Variants in PM20D2 observed in about 807,000 individuals in gnomAD.
PM20D2 encodes peptidase M20 domain containing 2.
A neutral mutation model predicts 42.9 loss-of-function variants in PM20D2; 33 were observed. That is an observed-to-expected ratio of 0.77 (90% CI 0.58 to 1.03). PM20D2 has a LOEUF of 1.03. PM20D2 is among the 50% of genes least tolerant of loss of function. PM20D2 has a pLI of 0.00. For missense variants in PM20D2, 548 were observed against 557.0 expected, an observed-to-expected ratio of 0.98 and a Z score of 0.16; for synonymous variants, 250 against 228.2, an observed-to-expected ratio of 1.10 and a Z score of -0.86.
the PM20D2 span, among the ~76,000 whole-genome samples, chr6:89,110,631 G>C: frequency 6.6e-6 from 1 of 152,146 alleles, no homozygotes; most frequent in African/African-American, 2.4e-5. Context: ...GAGAGGTGGA[G>C]TTCTCCTTTT....
At chr6:89,132,904 T>A in the PM20D2 span, among the ~76,000 whole-genome samples, 795 of 150,738 alleles carry the variant, frequency 5.3e-3, 55 homozygotes, top group African/African-American at 0.016. Flanking sequence ...TCTTTTTTTT[T>A]AATTATTTTT....
chr6:89,129,588 A>ATTT, the PM20D2 span, among the ~76,000 whole-genome samples: 1,900 of 106,612 alleles, frequency 0.018, 77 homozygotes, highest in African/African-American at 0.061. Context: ...TCTGTTTCTA[A>ATTT]TTTTTTTTTT....
At chr6:89,122,376 C>G in the PM20D2 span, among the ~76,000 whole-genome samples, 1 of 152,116 alleles carries the variant, frequency 6.6e-6, no homozygotes, top group African/African-American at 2.4e-5. Flanking sequence ...TCCTAATTAC[C>G]ATGGATAATC....
chr6:89,120,661 C>T, the PM20D2 span, among the ~76,000 whole-genome samples: 3 of 151,664 alleles, frequency 2.0e-5, no homozygotes, highest in Non-Finnish European at 2.9e-5. Flanking sequence ...GCTAGAAGTT[C>T]GTGACCAGCT....
At chr6:89,135,328 T>C in the PM20D2 span, among the ~76,000 whole-genome samples, 2 of 151,286 alleles carry the variant, frequency 1.3e-5, no homozygotes, top group Non-Finnish European at 2.9e-5. Context: ...TAGAAAAGTT[T>C]CTTTTAGCTT....
the PM20D2 span, among the ~76,000 whole-genome samples, chr6:89,138,636 G>A: frequency 2.0e-5 from 3 of 152,124 alleles, no homozygotes; most frequent in Non-Finnish European, 4.4e-5. Flanking sequence ...TCACAAAGGC[G>A]GGCAGATCAC....
chr6:89,118,968 C>G, the PM20D2 span, among the ~76,000 whole-genome samples: 2 of 152,248 alleles, frequency 1.3e-5, no homozygotes, highest in Non-Finnish European at 2.9e-5. Flanking sequence ...CAGGCACAGC[C>G]TGTTATTCAG....
the PM20D2 span, among the ~76,000 whole-genome samples, chr6:89,095,061 C>CT: frequency 6.6e-6 from 1 of 152,114 alleles, no homozygotes; most frequent in Non-Finnish European, 1.5e-5. Context: ...TGGCATTTCG[C>CT]TTTACAGAGC....
intron 4 of PM20D2, among the ~76,000 whole-genome samples, chr6:89,156,868 C>G (rs1336062980): frequency 1.3e-5 from 2 of 152,096 alleles, no homozygotes; most frequent in African/African-American, 4.8e-5. Flanking sequence ...TCTCATATGC[C>G]ACTAGAGAAG....
chr6:89,107,042 T>G, the PM20D2 span: 1 of 1,101,362 alleles, frequency 9.1e-7, no homozygotes, highest in Non-Finnish European at 1.4e-6. Context: ...GATAAAGAAA[T>G]AAACACATTT....
At chr6:89,156,900 T>C (rs1771067724) in intron 4 of PM20D2, among the ~76,000 whole-genome samples, 1 of 152,292 alleles carries the variant, frequency 6.6e-6, no homozygotes, top group East Asian at 1.9e-4. Context: ...GAATGAAAAC[T>C]GTGAAATGTC....
Position 89,162,182 on chromosome 6 carries a change from T to C in PM20D2, c.1230T>C (p.Phe410=). 6.2e-7 allele frequency: 1 copy of C among 1,614,114 alleles called. No homozygotes were observed. The highest frequency in any genetic ancestry group is 8.5e-7 in the Non-Finnish European group (1 of 1,179,926). ...CAATGACGGCACTGGATGTTATTTT[T>C]AAACCAGAGTTACTGGAAGGAATCA... is the stretch of plus-strand genomic sequence containing the variant. ...ALAMTALDVI[F]KPELLEGIRE... The change falls in exon 7 of 7, where the codon TTT becomes TTC. Residue 410 remains phenylalanine (F), a synonymous_variant. Coordinates refer to ENST00000275072, the MANE Select transcript of PM20D2 (RefSeq NM_001010853.3).
Position 89,146,455 on chromosome 6 carries a change from G to A in PM20D2, c.311G>A (p.Arg104His), listed in dbSNP as rs1485660858. 2.2e-5 allele frequency: 34 copies of A among 1,522,874 alleles called. No homozygotes were observed. The highest frequency in any genetic ancestry group is 3.0e-5 in the Non-Finnish European group (34 of 1,142,578). 94.3% of individuals were successfully genotyped at this position (1,522,874 alleles called of 1,614,324 possible). A position where few individuals can be genotyped will look rare whatever the true frequency, so the allele number is the denominator to read the frequency against. ...PEARAPSATP[R>H]PLHLGFLCEY... ...GCCCGGGCACCGAGCGCCACGCCAC[G>A]CCCGCTGCACCTGGGCTTCCTCTGC... The change falls in exon 1 of 7, where the codon CGC (arginine) becomes CAC (histidine). Residue 104 changes from arginine to histidine, a missense_variant. Around this residue, in one of 3 missense-constraint regions of PM20D2, gnomAD observed 470 missense variants for 464.4 expected, o/e 1.01. Transcript: ENST00000275072.
chr6:89,106,225 G>A, the PM20D2 span, among the ~76,000 whole-genome samples: 8 of 152,056 alleles, frequency 5.3e-5, no homozygotes, highest in East Asian at 1.9e-4. Context: ...AGATTCTCCC[G>A]CCTCAGCCTT....
the PM20D2 span, chr6:89,097,729 T>TC: frequency 6.6e-6 from 1 of 152,186 alleles, no homozygotes; most frequent in African/African-American, 2.4e-5. Flanking sequence ...GAGCAAGAAC[T>TC]CTAAAAAGAA....
the PM20D2 span, among the ~76,000 whole-genome samples, chr6:89,129,360 T>G: frequency 6.6e-6 from 1 of 152,182 alleles, no homozygotes; most frequent in African/African-American, 2.4e-5. Context: ...AGCCAGATAC[T>G]GCAATCCTAG....
intron 1 of PM20D2, chr6:89,148,464 A>G: frequency 1.3e-6 from 1 of 768,566 alleles, no homozygotes; most frequent in Non-Finnish European, 1.6e-6. Context: ...TGTTTGAAGC[A>G]GTTAAGCTTA....
chr6:89,139,570 G>A, the PM20D2 span, among the ~76,000 whole-genome samples: 75 of 152,160 alleles, frequency 4.9e-4, no homozygotes, highest in African/African-American at 1.6e-3. Flanking sequence ...CACACTGGAG[G>A]TTAGCACTTG....
chr6:89,137,014 A>G, the PM20D2 span, among the ~76,000 whole-genome samples: 1 of 151,260 alleles, frequency 6.6e-6, no homozygotes, highest in Non-Finnish European at 1.5e-5. Flanking sequence ...CTGTCCTGTT[A>G]GAATCATGGA....
Sources: gnomAD v4.1 joint callset for allele counts (sites outside exome capture counted in the v4.1 genomes callset) on GRCh38, gnomAD v4.1.1 for gene constraint, gnomAD v4.1.1 regional missense constraint, MANE v1.5 for transcripts, NCBI Gene and HGNC (gene_info 2026-07-23, HGNC 2026-07-21) for gene names.